Variants in PTK2 observed in about 807,000 individuals in gnomAD.
The protein encoded by PTK2 is focal adhesion kinase 1.
Under a neutral mutation model 150.1 loss-of-function variants are expected in PTK2, and 45 were observed. That is an observed-to-expected ratio of 0.30 (90% confidence interval 0.24 to 0.38). PTK2 has a LOEUF of 0.38. PTK2 is among the 10% of genes least tolerant of loss of function. The pLI is 1.00. For missense variants in PTK2, 919 were observed against 1,307.3 expected (o/e 0.70, Z 4.58); for synonymous variants, 432 against 449.2 (o/e 0.96, Z 0.48).
intron 1 of PTK2, among the ~76,000 whole-genome samples, chr8:140,998,773 C>G (rs1005132435): frequency 1.3e-5 from 2 of 149,520 alleles, no homozygotes; most frequent in African/African-American, 5.0e-5. Flanking sequence ...GAGCCGAGAT[C>G]GCACCACTGC....
intron 2 of PTK2, among the ~76,000 whole-genome samples, chr8:140,913,971 T>C (rs1484706117): frequency 6.6e-6 from 1 of 152,142 alleles, no homozygotes; most frequent in African/African-American, 2.4e-5. Flanking sequence ...GAACCAAAGA[T>C]TTCATTACTG....
At chr8:140,826,330 C>A (rs2100111752) in intron 8 of PTK2, among the ~76,000 whole-genome samples, 1 of 152,152 alleles carries the variant, frequency 6.6e-6, no homozygotes, top group Admixed American at 6.5e-5. Context: ...TATGTTGGTA[C>A]CATATTCCAT....
chr8:140,835,270 A>G (rs925227116), intron 7 of PTK2, among the ~76,000 whole-genome samples: 1 of 152,230 alleles, frequency 6.6e-6, no homozygotes, highest in Admixed American at 6.5e-5. Context: ...TTTTTAAGTC[A>G]AGGATAAATT....
intron 1 of PTK2, among the ~76,000 whole-genome samples, chr8:140,969,742 T>G (rs1052007465): frequency 6.6e-6 from 1 of 152,248 alleles, no homozygotes; most frequent in South Asian, 2.1e-4. Context: ...GCTACCTTTA[T>G]GCTAACTGTA....
At chr8:140,716,417 G>C (rs1420860175) in intron 23 of PTK2, among the ~76,000 whole-genome samples, 3 of 152,204 alleles carry the variant, frequency 2.0e-5, no homozygotes, top group African/African-American at 4.8e-5. Context: ...GGGAATGACA[G>C]AGAAACGACA....
intron 1 of PTK2, among the ~76,000 whole-genome samples, chr8:140,970,738 C>T (rs974716127): frequency 6.6e-6 from 1 of 152,204 alleles, no homozygotes; most frequent in African/African-American, 2.4e-5. Context: ...AGTCAAATCT[C>T]AATCTGATTG....
chr8:140,757,614 A>C (rs2100066612), intron 16 of PTK2, among the ~76,000 whole-genome samples: 1 of 152,162 alleles, frequency 6.6e-6, no homozygotes. Context: ...AAATGCATAA[A>C]CATGGAGTTA....
At chr8:140,949,391 G>A (rs1056759010) in intron 1 of PTK2, among the ~76,000 whole-genome samples, 9 of 152,316 alleles carry the variant, frequency 5.9e-5, no homozygotes, top group East Asian at 1.9e-4. Context: ...CTGAGTTGGC[G>A]GGGCAGGAGC....
At chr8:140,807,338 A>G (rs2100098663) in intron 10 of PTK2, among the ~76,000 whole-genome samples, 1 of 152,254 alleles carries the variant, frequency 6.6e-6, no homozygotes, top group South Asian at 2.1e-4. Context: ...AAAGAGAACA[A>G]GACTTGAGCA....
At chr8:140,665,084 A>G in intron 30 of PTK2, 87 bp from the exon 35 acceptor site, 2 of 1,243,090 alleles carry the variant, frequency 1.6e-6, no homozygotes, top group Non-Finnish European at 2.2e-6. Flanking sequence ...TTTCCTTTCC[A>G]CAAGTTTCAA....
In PTK2 at chr8:140,782,262, G is replaced by A. The variant is rs2100082195; in HGVS notation, c.1177+7212C>T. ...TTGGTTGTTTTTTTTTTTGGGGGGGGGGACAGGGTCCTCTCTTTGTCACCC... is the reference window on the plus strand; with the variant it reads ...TTGGTTGTTTTTTTTTTTGGGGGGGAGGACAGGGTCCTCTCTTTGTCACCC... On this transcript the variant is annotated intron_variant, in intron 14 of 31. Transcript: ENST00000522684. Among the ~76,000 whole-genome samples, 10 of 149,884 alleles carry A rather than the reference G, an allele frequency of 6.7e-5. 1 individual carries two copies. In the South Asian group the frequency reaches 2.1e-3, roughly 32 times the overall value.
In PTK2 at chr8:140,734,876, AG is replaced by A. The variant is rs1264045465; in HGVS notation, c.2030+374del. 1.6e-5 allele frequency: 7 copies of A among 442,044 alleles called. No individual in the cohort carries two copies. The East Asian group carries it at 3.9e-4, about 25-fold the overall frequency. 27.4% of individuals were successfully genotyped at this position (442,044 alleles called of 1,614,324 possible). On this transcript the variant is annotated intron_variant, in intron 22 of 31. Coordinates refer to ENST00000522684, the Ensembl canonical transcript of PTK2. ...ATGTGAAAACGCAGTGAGCTGTGTT[AG>A]GAGAATTATAAGTAGGTATTGCTGG...
intron 14 of PTK2, among the ~76,000 whole-genome samples, chr8:140,777,455 G>A (rs2100079099): frequency 6.6e-6 from 1 of 152,208 alleles, no homozygotes; most frequent in African/African-American, 2.4e-5. Context: ...ATTCATAAGG[G>A]ATCTGCCTCA....
intron 7 of PTK2, among the ~76,000 whole-genome samples, chr8:140,835,141 C>T (rs747971470): frequency 1.5e-4 from 23 of 152,206 alleles, no homozygotes; most frequent in Admixed American, 6.5e-4. Flanking sequence ...CAGCCTGTGG[C>T]CTTATCCTGC....
intron 14 of PTK2, among the ~76,000 whole-genome samples, chr8:140,783,887 G>C (rs553856693): frequency 6.6e-6 from 1 of 152,298 alleles, no homozygotes; most frequent in South Asian, 2.1e-4. Context: ...GGCCAGGCGT[G>C]GTGGCTCACG....
intron 2 of PTK2, among the ~76,000 whole-genome samples, chr8:140,914,022 G>A (rs1416993662): frequency 2.0e-5 from 3 of 152,018 alleles, no homozygotes; most frequent in Non-Finnish European, 2.9e-5. Flanking sequence ...TGGGTTCAAC[G>A]TCAAACTTCT....
intron 27 of PTK2, among the ~76,000 whole-genome samples, chr8:140,679,644 C>G (rs139707065): frequency 6.6e-6 from 1 of 152,144 alleles, no homozygotes; most frequent in Non-Finnish European, 1.5e-5. Flanking sequence ...TAACACTTAC[C>G]TAATAAGACA....
chr8:140,955,271 T>C (rs2100180841), intron 1 of PTK2, among the ~76,000 whole-genome samples: 1 of 152,172 alleles, frequency 6.6e-6, no homozygotes, highest in South Asian at 2.1e-4. Context: ...TGGGGGCAGG[T>C]CTTTCCCGTG....
chr8:140,751,068 G>C (rs930128743), intron 17 of PTK2, among the ~76,000 whole-genome samples: 1 of 151,940 alleles, frequency 6.6e-6, no homozygotes, highest in African/African-American at 2.4e-5. Flanking sequence ...ACCCGAGACA[G>C]ACACTGCCTC....
Sources: allele counts gnomAD v4.1 joint callset (sites outside exome capture counted in the v4.1 genomes callset), GRCh38; gene constraint gnomAD v4.1.1; transcripts MANE v1.5; gene names NCBI Gene and HGNC (gene_info 2026-07-23, HGNC 2026-07-21).